The following RRBP1 variants were observed in gnomAD, a reference collection of about 807,000 sequenced individuals.
RRBP1 encodes the protein ribosome binding protein 1.
In RRBP1, 94 loss-of-function variants were observed where a neutral mutation model predicts 165.2. That is an observed-to-expected ratio of 0.57 (90% confidence interval 0.48 to 0.68). The LOEUF is 0.68. RRBP1 is among the 30% of genes least tolerant of loss of function. The probability of loss-of-function intolerance (pLI) is 0.00; values close to 1 mark genes in which losing one functional copy is unlikely to be tolerated. For missense variants in RRBP1, 1,676 were observed against 1,763.0 expected, an observed-to-expected ratio of 0.95 and a Z score of 0.88; for synonymous variants, 680 against 714.5, an observed-to-expected ratio of 0.95 and a Z score of 0.77.
At chr20:17,620,576 G>A (rs539881258) in intron 17 of RRBP1, 139 bp downstream of exon 17, 8 of 801,398 alleles carry the variant, frequency 1.0e-5, no homozygotes, top group Non-Finnish European at 1.7e-5. Flanking sequence ...CTGTCATCCC[G>A]CAACTGTGCT....
chr20:17,654,489 T>C (rs1467147566), intron 3 of RRBP1, among the ~76,000 whole-genome samples: 1 of 152,266 alleles, frequency 6.6e-6, no homozygotes, highest in African/African-American at 2.4e-5. Flanking sequence ...GCTTGTTAAC[T>C]GGGATTTCAA....
At chr20:17,661,348 C>G (rs1187859733) in intron 2 of RRBP1, among the ~76,000 whole-genome samples, 1 of 152,196 alleles carries the variant, frequency 6.6e-6, no homozygotes, top group Non-Finnish European at 1.5e-5. Flanking sequence ...CAGGAAGAAT[C>G]AGTCTTGGGA....
intron 5 of RRBP1, among the ~76,000 whole-genome samples, chr20:17,640,301 A>T (rs900972992): frequency 6.6e-6 from 1 of 152,240 alleles, no homozygotes; most frequent in Non-Finnish European, 1.5e-5. Context: ...GAGTAAGAAG[A>T]CAATGTCCAG....
At chr20:17,671,659 G>T (rs1245503464) in intron 2 of RRBP1, among the ~76,000 whole-genome samples, 1 of 152,118 alleles carries the variant, frequency 6.6e-6, no homozygotes, top group Non-Finnish European at 1.5e-5. Context: ...CCAACTCAGG[G>T]AGCCTGTGTC....
Position 17,633,443 on chromosome 20 carries a change from C to A in RRBP1, c.2610+17G>T. ...GGCAGTGAACAGGGCACTGAGGCGGCCACTGCCCCGACTCACCTGCAGCTG... is the reference window on the plus strand; with the variant it reads ...GGCAGTGAACAGGGCACTGAGGCGGACACTGCCCCGACTCACCTGCAGCTG... On this transcript the variant is annotated intron_variant, in intron 8 of 24. Transcript: ENST00000377813. The A allele has an allele frequency of 6.2e-7, 1 of 1,609,204 alleles. No homozygotes were observed. The highest frequency in any genetic ancestry group is 8.5e-7 in the Non-Finnish European group (1 of 1,177,798).
Position 17,624,557 on chromosome 20 carries a change from AGT to A in RRBP1, c.3147+17_3147+18del. The A allele has an allele frequency of 6.5e-7, 1 of 1,539,500 alleles. No individual in the cohort carries two copies. The highest frequency in any genetic ancestry group is 8.9e-7 in the Non-Finnish European group (1 of 1,125,506). On this transcript the variant is annotated intron_variant, in intron 13 of 24. Transcript: ENST00000377813. ...GTGCACTTTCCATGGTGGGGGTGTGAGTGTGGTCGGGCTCTGACCTTGGCCTG... is the reference window on the plus strand; with the variant it reads ...GTGCACTTTCCATGGTGGGGGTGTGAGTGGTCGGGCTCTGACCTTGGCCTG...
chr20:17,665,210 CT>C (rs2036847847), intron 2 of RRBP1, among the ~76,000 whole-genome samples: 1 of 152,084 alleles, frequency 6.6e-6, no homozygotes, highest in African/African-American at 2.4e-5. Context: ...CTTCCACCTG[CT>C]TTTGCTTCTA....
intron 3 of RRBP1, among the ~76,000 whole-genome samples, chr20:17,648,048 C>T (rs1188935258): frequency 6.6e-6 from 1 of 152,222 alleles, no homozygotes; most frequent in Non-Finnish European, 1.5e-5. Context: ...TCAGCCTCTG[C>T]AGACCAAGAT....
intron 12 of RRBP1, among the ~76,000 whole-genome samples, chr20:17,625,285 C>T (rs1300983726): frequency 1.3e-5 from 2 of 152,162 alleles, no homozygotes; most frequent in African/African-American, 2.4e-5. Flanking sequence ...CACGCTTGAG[C>T]GAGTGGCGCA....
intron 2 of RRBP1, among the ~76,000 whole-genome samples, chr20:17,677,248 A>G (rs1481517397): frequency 1.3e-5 from 2 of 152,184 alleles, no homozygotes; most frequent in Non-Finnish European, 2.9e-5. Flanking sequence ...TTGTTTGCTT[A>G]TACCTTGCCC....
intron 21 of RRBP1, among the ~76,000 whole-genome samples, chr20:17,616,451 A>T (rs2035801169): frequency 1.3e-5 from 2 of 152,138 alleles, no homozygotes; most frequent in South Asian, 4.1e-4. Flanking sequence ...CCCTGCCCAG[A>T]GCTGCTCCTG....
intron 11 of RRBP1, among the ~76,000 whole-genome samples, chr20:17,626,884 C>A (rs188499098): frequency 6.6e-6 from 1 of 152,358 alleles, no homozygotes; most frequent in East Asian, 1.9e-4. Flanking sequence ...AGGAAAACAA[C>A]GCTGAGACGC....
At chr20:17,677,578 G>A (rs1366208836) in intron 2 of RRBP1, among the ~76,000 whole-genome samples, 1 of 152,192 alleles carries the variant, frequency 6.6e-6, no homozygotes, top group Non-Finnish European at 1.5e-5. Context: ...GGTGGCTCAT[G>A]CCTATAATCC....
At chr20:17,624,120 C>T (rs1228179797) in intron 13 of RRBP1, among the ~76,000 whole-genome samples, 5 of 152,192 alleles carry the variant, frequency 3.3e-5, no homozygotes, top group South Asian at 2.1e-4. Context: ...GAGACCAGCA[C>T]GGAGAAGCCC....
chr20:17,676,341 C>T (rs528986482), intron 2 of RRBP1, among the ~76,000 whole-genome samples: 2 of 152,088 alleles, frequency 1.3e-5, no homozygotes, highest in African/African-American at 2.4e-5. Context: ...TATGAGACGG[C>T]GAGGAGTTAA....
rs1292758491 is a variant in RRBP1, at chr20:17,627,672, G to A, written c.2760C>T (p.Ser920=). The A allele has an allele frequency of 3.1e-6, 5 of 1,604,842 alleles. No individual in the cohort carries two copies. The highest frequency in any genetic ancestry group is 4.3e-6 in the Non-Finnish European group (5 of 1,174,936). ...CCTCCGCCTCGGAGGACTGTAACTTGCTGTGCAGCTCTGGTGCAGAGGAAG... is the reference window on the plus strand; with the variant it reads ...CCTCCGCCTCGGAGGACTGTAACTTACTGTGCAGCTCTGGTGCAGAGGAAG... ...EQQQQMAELH[S]KLQSSEAEVR... Residue 920 remains serine, a synonymous_variant, in exon 10 of 25, where the codon AGC becomes AGT. Coordinates refer to ENST00000377813, the MANE Select transcript of RRBP1 (RefSeq NM_001365613.2).
At position 17,633,602 on chromosome 20, in the gene RRBP1, T is replaced by C. The variant is rs1446200468; in HGVS notation, c.2468A>G (p.Glu823Gly). 1 of 1,613,806 alleles carries C rather than the reference T, an allele frequency of 6.2e-7. No individual in the cohort carries two copies. ...TSQVESKQNA[E>G]LAKLRQELSK... is the part of the protein sequence containing the mutation. ...GAGCTCCTGCCGAAGCTTGGCCAGCTCTGCGTTCTGCCTGCAAGACAGTCA... is the reference window on the plus strand; with the variant it reads ...GAGCTCCTGCCGAAGCTTGGCCAGCCCTGCGTTCTGCCTGCAAGACAGTCA... The change falls in exon 8 of 25, where the codon GAG becomes GGG. Residue 823 changes from glutamate to glycine, a missense_variant. Glu to Gly is a moderately conservative substitution (Grantham distance 98). Around this residue, in one of 5 missense-constraint regions of RRBP1, gnomAD observed 1,184 missense variants for 1,167.1 expected, o/e 1.01. Transcript: ENST00000377813.
Position 17,614,090 on chromosome 20 carries a change from A to G in RRBP1, c.*92T>C, listed in dbSNP as rs563814362. On this transcript the variant is annotated 3_prime_UTR_variant, in exon 25 of 25. Coordinates refer to ENST00000377813, the MANE Select transcript of RRBP1 (RefSeq NM_001365613.2). The stretch of plus-strand genomic sequence containing the variant: ...CGGAGCTACCGGAAGTTGGGCCTGG[A>G]TAACGCTGTGTAGGTTGGTTGGTTT... 1.3e-5 allele frequency: 17 copies of G among 1,321,224 alleles called. No homozygotes were observed. The African/African-American group carries it at 1.9e-4, about 15-fold the overall frequency. 81.8% of individuals were successfully genotyped at this position (1,321,224 alleles called of 1,614,324 possible).
At chr20:17,649,209 G>C (rs1428003406) in intron 3 of RRBP1, among the ~76,000 whole-genome samples, 1 of 152,216 alleles carries the variant, frequency 6.6e-6, no homozygotes, top group Non-Finnish European at 1.5e-5. Flanking sequence ...GAGAAACTGA[G>C]TTAGGTTCAA....
Sources: allele counts gnomAD v4.1 joint callset (sites outside exome capture counted in the v4.1 genomes callset), GRCh38; gene constraint gnomAD v4.1.1; regional missense constraint gnomAD v4.1.1; transcripts MANE v1.5; gene names NCBI Gene and HGNC (gene_info 2026-07-23, HGNC 2026-07-21).